The following ERI1 variants were observed in gnomAD, a reference collection of about 807,000 sequenced individuals.
ERI1 encodes exoribonuclease 1, also known as 3'-5' exoribonuclease 1.
Under a neutral mutation model 39.7 loss-of-function variants are expected in ERI1, and 39 were observed. The observed-to-expected ratio is 0.98, with a 90% CI of 0.76 to 1.28. The LOEUF is 1.28. Ranked by LOEUF, ERI1 falls within the 50% of genes most tolerant of loss-of-function variation. The pLI, the probability that ERI1 is intolerant of heterozygous loss-of-function variation, is 0.00. For synonymous variants in ERI1, 204 were observed against 149.6 expected (o/e 1.36, Z -2.65); for missense variants, 581 against 416.9 (o/e 1.39, Z -3.43).
At chr8:9,099,587 ACTCT>A (rs1420506185) in intron 3 of ERI1, among the ~76,000 whole-genome samples, 2 of 143,294 alleles carry the variant, frequency 1.4e-5, no homozygotes, top group Admixed American at 7.1e-5. Flanking sequence ...AGAGCGGGAC[ACTCT>A]CTCTCTCAAA....
chr8:9,005,658 G>GCGCCCCCC (rs1815926099), intron 1 of ERI1, among the ~76,000 whole-genome samples: 3 of 150,902 alleles, frequency 2.0e-5, no homozygotes, highest in African/African-American at 7.4e-5. Flanking sequence ...GGGACTACAG[G>GCGCCCCCC]CGCCCGCCCG....
intron 3 of ERI1, among the ~76,000 whole-genome samples, chr8:9,087,180 C>A (rs1420912576): frequency 6.6e-6 from 1 of 151,826 alleles, no homozygotes; most frequent in African/African-American, 2.4e-5. Context: ...AGGTATTTGT[C>A]CTAATGCTCT....
At chr8:9,024,464 A>C (rs1022683498) in intron 6 of ERI1, among the ~76,000 whole-genome samples, 3 of 151,440 alleles carry the variant, frequency 2.0e-5, no homozygotes, top group African/African-American at 7.3e-5. Flanking sequence ...TCTGTCATCC[A>C]GCCTGGAGTG....
At chr8:9,054,737 C>A (rs1009065450) in intron 3 of ERI1, among the ~76,000 whole-genome samples, 1 of 152,186 alleles carries the variant, frequency 6.6e-6, no homozygotes, top group South Asian at 2.1e-4. Context: ...TCAGGCTGGC[C>A]AACATGACAA....
rs564069462 is a variant in ERI1 at position 9,020,136 on chromosome 8, G to C, written c.693-214G>C. Among the ~76,000 whole-genome samples the C allele has an allele frequency of 5.3e-5, 8 of 152,236 alleles. No individual in the cohort carries two copies. The South Asian group carries it at 1.7e-3, about 32-fold the overall frequency. On this transcript the variant is annotated intron_variant, in intron 5 of 6. Coordinates refer to ENST00000250263, the MANE Select transcript of ERI1 (RefSeq NM_153332.4). The stretch of plus-strand genomic sequence containing the variant: ...AGATGAGCCTAATAGGAATTAGTTT[G>C]TGAACAAAAGTTAATATATCCGACT...
intron 3 of ERI1, among the ~76,000 whole-genome samples, chr8:9,066,676 A>C (rs1334543121): frequency 6.6e-6 from 1 of 152,214 alleles, no homozygotes; most frequent in Non-Finnish European, 1.5e-5. Context: ...GGACATACTT[A>C]ACATTTTAAG....
Position 9,093,599 on chromosome 8 carries a change from A to G in ERI1, n.300-22749A>G, listed in dbSNP as rs181498661. Among the ~76,000 whole-genome samples, 403 of 152,044 alleles carry G rather than the reference A, an allele frequency of 2.7e-3. 3 individuals are homozygous for G. The highest frequency in any genetic ancestry group is 9.3e-3 in the African/African-American group (387 of 41,474). Reference sequence around the variant, plus strand: ...TTATTTATTTTTGAGACGGAATCTCACTCTGTCACCCAGGCTGGCGTGCAG... The same window carrying G: ...TTATTTATTTTTGAGACGGAATCTCGCTCTGTCACCCAGGCTGGCGTGCAG... On this transcript the variant is annotated intron_variant and non_coding_transcript_variant, in intron 3 of 3. Transcript: ENST00000518663.
chr8:9,013,129 C>G (rs562682477), intron 3 of ERI1, among the ~76,000 whole-genome samples: 2 of 152,128 alleles, frequency 1.3e-5, no homozygotes, highest in Admixed American at 1.3e-4. Context: ...GCTCTCCTGC[C>G]TCAGCCTCCT....
At chr8:9,029,436 C>A (rs1177304216) in intron 6 of ERI1, among the ~76,000 whole-genome samples, 1 of 152,126 alleles carries the variant, frequency 6.6e-6, no homozygotes, top group Non-Finnish European at 1.5e-5. Context: ...TCAGGCAGTT[C>A]TCCTGCCTCA....
intron 3 of ERI1, among the ~76,000 whole-genome samples, chr8:9,065,556 G>A (rs557815522): frequency 3.9e-5 from 6 of 152,024 alleles, no homozygotes; most frequent in South Asian, 2.1e-4. Flanking sequence ...TTAGCCAGGC[G>A]TAGTGGGGGG....
rs1225679426 is a variant in ERI1, at chr8:9,032,876, A to G, written c.*2842A>G. On this transcript the variant is annotated 3_prime_UTR_variant, in exon 7 of 7. Coordinates refer to ENST00000250263, the MANE Select transcript of ERI1 (RefSeq NM_153332.4). The stretch of plus-strand genomic sequence containing the variant: ...GATGAGCACGCACGGGTGCATTGTC[A>G]AAGTCTGAGAAGGATGTATTGTACT... 6.6e-6 allele frequency: 1 copy of G among 152,184 alleles called. No homozygotes were observed. The highest frequency in any genetic ancestry group is 1.5e-5 in the Non-Finnish European group (1 of 68,034). 9.4% of individuals were successfully genotyped at this position (152,184 alleles called of 1,614,324 possible).
chr8:9,059,203 C>T (rs1306546967), intron 3 of ERI1, among the ~76,000 whole-genome samples: 2 of 152,072 alleles, frequency 1.3e-5, no homozygotes, highest in Non-Finnish European at 2.9e-5. Context: ...AGGCCATTTT[C>T]ACTTGTTTTG....
At chr8:9,046,932 C>G (rs1437338761) in intron 3 of ERI1, among the ~76,000 whole-genome samples, 1 of 152,226 alleles carries the variant, frequency 6.6e-6, no homozygotes, top group African/African-American at 2.4e-5. Flanking sequence ...TACCTTCTGC[C>G]TCACCCTCCG....
chr8:9,035,045 G>A (rs1313255083), downstream of ERI1, among the ~76,000 whole-genome samples: 1 of 152,186 alleles, frequency 6.6e-6, no homozygotes, highest in East Asian at 1.9e-4. Context: ...GAGGGTTGAG[G>A]GAGGTAAGGA....
chr8:9,083,636 T>A (rs1258769505), intron 3 of ERI1, among the ~76,000 whole-genome samples: 1 of 144,980 alleles, frequency 6.9e-6, no homozygotes, highest in East Asian at 2.2e-4. Context: ...TGGTCCATGT[T>A]AAAAAAAAAA....
intron 3 of ERI1, among the ~76,000 whole-genome samples, chr8:9,057,072 A>G (rs576318904): frequency 6.6e-6 from 1 of 152,154 alleles, no homozygotes; most frequent in South Asian, 2.1e-4. Flanking sequence ...ACCTCAAGTG[A>G]TCTGCCTGCC....
In ERI1 at chr8:9,095,368, A is replaced by C. The variant is rs553264484; in HGVS notation, n.300-20980A>C. The stretch of plus-strand genomic sequence containing the variant: ...CTTCCCGTTCTCTCTACCTCTCCCT[A>C]CTTGGAGTCCGTAGAGGGCTATCTC... On this transcript the variant is annotated intron_variant and non_coding_transcript_variant, in intron 3 of 3. Transcript: ENST00000518663. 5.9e-5 allele frequency among the ~76,000 whole-genome samples: 9 copies of C among 152,186 alleles called. No individual in the cohort carries two copies. In the East Asian group the frequency reaches 1.5e-3, roughly 26 times the overall value.
chr8:9,016,282 C>G (rs1383865612), intron 3 of ERI1, 40 bp from the exon 4 acceptor site: 1 of 1,305,552 alleles, frequency 7.7e-7, no homozygotes, highest in African/African-American at 1.5e-5. Context: ...TGTATCTTAA[C>G]TCATATAAAT....
chr8:9,011,116 A>G (rs923966201), intron 2 of ERI1, among the ~76,000 whole-genome samples: 1 of 152,186 alleles, frequency 6.6e-6, no homozygotes, highest in Non-Finnish European at 1.5e-5. Context: ...GATATTTTCA[A>G]CTTAACCCAA....
Sources: allele counts gnomAD v4.1 joint callset (sites outside exome capture counted in the v4.1 genomes callset), GRCh38; gene constraint gnomAD v4.1.1; transcripts MANE v1.5; gene names NCBI Gene and HGNC (gene_info 2026-07-23, HGNC 2026-07-21).